FRMD4A: variants seen among roughly 807,000 people sequenced by gnomAD.
FRMD4A encodes the protein FERM domain-containing protein 4A.
In FRMD4A, 29 loss-of-function variants were observed where a neutral mutation model predicts 129.1. The observed-to-expected ratio is 0.22, with a 90% confidence interval of 0.17 to 0.31. The LOEUF is 0.31. Among genes scored for constraint, FRMD4A ranks in the 10% least tolerant of loss-of-function variants. The pLI, the probability that FRMD4A is intolerant of heterozygous loss-of-function variation, is 1.00. For missense variants in FRMD4A, 1,272 were observed against 1,375.8 expected, an observed-to-expected ratio of 0.92 and a Z score of 1.19; for synonymous variants, 634 against 571.6, an observed-to-expected ratio of 1.11 and a Z score of -1.56.
intron 2 of FRMD4A, among the ~76,000 whole-genome samples, chr10:13,957,133 G>A (rs780858452): frequency 2.6e-5 from 4 of 152,216 alleles, no homozygotes; most frequent in South Asian, 4.1e-4. Context: ...GGATGGCTCC[G>A]ACTCCGCAGA....
intron 12 of FRMD4A, chr10:13,707,784 G>A (rs1328909706): frequency 8.1e-6 from 8 of 985,378 alleles, no homozygotes; most frequent in Admixed American, 6.1e-5. Context: ...TCTGTCGCCC[G>A]GAAGGACGCT....
intron 15 of FRMD4A, chr10:13,675,685 G>GC (rs2083920792): frequency 6.6e-6 from 1 of 152,162 alleles, no homozygotes; most frequent in Non-Finnish European, 1.5e-5. Flanking sequence ...CCAGGTGTAA[G>GC]CCACCGTGCC....
At chr10:13,792,679 G>A (rs1377083226) in intron 5 of FRMD4A, among the ~76,000 whole-genome samples, 1 of 152,266 alleles carries the variant, frequency 6.6e-6, no homozygotes, top group Non-Finnish European at 1.5e-5. Flanking sequence ...GATAGTTCCC[G>A]CCTCTCCAGT....
At chr10:13,663,700 C>T (rs552749892) in intron 18 of FRMD4A, among the ~76,000 whole-genome samples, 191 bp from the exon 19 acceptor site, 1 of 152,278 alleles carries the variant, frequency 6.6e-6, no homozygotes, top group South Asian at 2.1e-4. Flanking sequence ...GGCTCAGCCT[C>T]CCCACCCCGA....
At chr10:14,214,649 A>C (rs1843020078) in intron 2 of FRMD4A, among the ~76,000 whole-genome samples, 1 of 152,196 alleles carries the variant, frequency 6.6e-6, no homozygotes, top group Non-Finnish European at 1.5e-5. Context: ...CTAGATCCTC[A>C]ATTAATGCTT....
chr10:13,946,769 G>A (rs569598381), intron 2 of FRMD4A, among the ~76,000 whole-genome samples: 19 of 152,218 alleles, frequency 1.2e-4, no homozygotes, highest in African/African-American at 4.6e-4. Flanking sequence ...GTGTCAAATG[G>A]GTGATGTGTT....
intron 2 of FRMD4A, among the ~76,000 whole-genome samples, chr10:13,992,952 CAAAAAAAAAAAAA>C (rs10648349): frequency 4.5e-5 from 3 of 65,986 alleles, no homozygotes; most frequent in African/African-American, 7.1e-5. Context: ...GACTCTGTCT[CAAAAAAAAAAAAA>C]AAAAAAAAAA....
intron 3 of FRMD4A, among the ~76,000 whole-genome samples, chr10:13,856,556 A>G (rs1179765160): frequency 6.6e-6 from 1 of 152,120 alleles, no homozygotes; most frequent in Admixed American, 6.5e-5. Flanking sequence ...GGTCAGGGAA[A>G]GCCTTGGTGG....
intron 2 of FRMD4A, among the ~76,000 whole-genome samples, chr10:14,109,295 T>A (rs1211377002): frequency 6.6e-6 from 1 of 151,696 alleles, no homozygotes; most frequent in Non-Finnish European, 1.5e-5. Context: ...TGAGAAGGAA[T>A]CATTCATTTG....
chr10:13,671,684 T>C (rs746661471), intron 16 of FRMD4A, among the ~76,000 whole-genome samples: 10 of 152,272 alleles, frequency 6.6e-5, no homozygotes, highest in Middle Eastern at 3.4e-3. Flanking sequence ...GTGAGTTGTA[T>C]CAGGGCTGAA....
At chr10:13,786,672 A>G (rs2092873386) in intron 5 of FRMD4A, among the ~76,000 whole-genome samples, 3 of 152,166 alleles carry the variant, frequency 2.0e-5, no homozygotes, top group African/African-American at 4.8e-5. Context: ...CAGAATAATA[A>G]AAGAAACTAA....
intron 12 of FRMD4A, chr10:13,707,830 G>C: frequency 2.0e-6 from 2 of 985,306 alleles, no homozygotes; most frequent in Non-Finnish European, 2.4e-6. Context: ...TGGCCAGGGA[G>C]GGTGAGAAGT....
intron 2 of FRMD4A, among the ~76,000 whole-genome samples, chr10:14,133,067 A>C (rs750874717): frequency 6.6e-6 from 1 of 152,186 alleles, no homozygotes; most frequent in Non-Finnish European, 1.5e-5. Flanking sequence ...GTTTTTTACC[A>C]AACTTCAGGA....
chr10:14,254,318 T>A (rs1370990540), intron 2 of FRMD4A, among the ~76,000 whole-genome samples: 2 of 152,242 alleles, frequency 1.3e-5, no homozygotes, highest in African/African-American at 4.8e-5. Flanking sequence ...GAGGATGATA[T>A]GTCAGGTTCT....
chr10:13,731,228 G>A (rs77503367), intron 12 of FRMD4A, among the ~76,000 whole-genome samples: 6 of 152,144 alleles, frequency 3.9e-5, no homozygotes, highest in East Asian at 1.9e-4. Flanking sequence ...GTCACATAGC[G>A]TTTGAGTATA....
chr10:13,687,198 G>T (rs1046096333), intron 15 of FRMD4A, among the ~76,000 whole-genome samples: 12 of 152,178 alleles, frequency 7.9e-5, no homozygotes, highest in African/African-American at 2.9e-4. Flanking sequence ...AGGAGGCTGA[G>T]GCAGGAGAAT....
At chr10:14,099,541 A>G (rs913112868) in intron 2 of FRMD4A, among the ~76,000 whole-genome samples, 9 of 152,144 alleles carry the variant, frequency 5.9e-5, no homozygotes, top group South Asian at 2.1e-4. Flanking sequence ...CAGAACTCCT[A>G]TACGAAAGTT....
At chr10:14,209,025 C>T (rs1240900329) in intron 2 of FRMD4A, among the ~76,000 whole-genome samples, 1 of 152,090 alleles carries the variant, frequency 6.6e-6, no homozygotes, top group Non-Finnish European at 1.5e-5. Flanking sequence ...GTATACCTTC[C>T]CACCATCTGT....
At chr10:14,190,183 G>T (rs1842274484) in intron 2 of FRMD4A, among the ~76,000 whole-genome samples, 1 of 152,184 alleles carries the variant, frequency 6.6e-6, no homozygotes, top group Non-Finnish European at 1.5e-5. Flanking sequence ...GCAACAGTAT[G>T]CCCTCGCCCT....
Sources: gnomAD v4.1 joint callset for allele counts (sites outside exome capture counted in the v4.1 genomes callset) on GRCh38, gnomAD v4.1.1 for gene constraint, MANE v1.5 for transcripts, NCBI Gene and HGNC (gene_info 2026-07-23, HGNC 2026-07-21) for gene names.